The following HOPX variants were observed in gnomAD, a reference collection of about 807,000 sequenced individuals.
HOPX encodes the protein homeodomain-only protein.
In HOPX, 5 loss-of-function variants were observed where a neutral mutation model predicts 11.8. That is an observed-to-expected ratio of 0.43 (90% confidence interval 0.22 to 0.89). The LOEUF is 0.89. HOPX is among the 40% of genes least tolerant of loss of function. The pLI is 0.28. For synonymous variants in HOPX, 49 were observed against 49.7 expected (o/e 0.99, Z 0.06); for missense variants, 119 against 120.0 (o/e 0.99, Z 0.04).
intron 2 of HOPX, among the ~76,000 whole-genome samples, chr4:56,657,214 A>G (rs1717808521): frequency 2.0e-5 from 3 of 152,340 alleles, no homozygotes; most frequent in African/African-American, 4.8e-5. Context: ...GCATGAAGGT[A>G]TAGAAAGTTG....
Position 56,675,065 on chromosome 4 carries a change from C to T in HOPX, c.-84+6190G>A, listed in dbSNP as rs1560375653. 2.6e-5 allele frequency among the ~76,000 whole-genome samples: 4 copies of T among 151,570 alleles called. No homozygotes were observed. The South Asian group carries it at 8.3e-4, about 31-fold the overall frequency. The stretch of plus-strand genomic sequence containing the variant: ...GCTTCTATTGCTACCCAAGCATGGC[C>T]AAATAAGAGGCTGAAGCACCTGACC... On this transcript the variant is annotated intron_variant, in intron 1 of 3. Coordinates refer to ENST00000420433, the MANE Select transcript of HOPX (RefSeq NM_032495.6).
chr4:56,670,188 C>G (rs1339811062), intron 1 of HOPX, among the ~76,000 whole-genome samples: 2 of 152,050 alleles, frequency 1.3e-5, no homozygotes, highest in Non-Finnish European at 2.9e-5. Context: ...AACAGAGAAA[C>G]AAAAACGGCT....
chr4:56,648,972 A>G (rs535225822), intron 3 of HOPX, 175 bp from the exon 4 acceptor site: 28 of 518,140 alleles, frequency 5.4e-5, no homozygotes, highest in African/African-American at 4.7e-4. Context: ...ACCTTTGCAC[A>G]TGCTATTTCC....
intron 1 of HOPX, chr4:56,662,776 C>A (rs1019155954): frequency 6.6e-6 from 1 of 152,288 alleles, no homozygotes; most frequent in African/African-American, 2.4e-5. Context: ...TGTGCCTGGC[C>A]CCCAAATATA....
At chr4:56,654,408 C>G (rs1260978108) in intron 3 of HOPX, among the ~76,000 whole-genome samples, 1 of 152,194 alleles carries the variant, frequency 6.6e-6, no homozygotes, top group African/African-American at 2.4e-5. Flanking sequence ...CAATATTTCA[C>G]AGCCTTGTTT....
At chr4:56,676,983 C>T (rs1192710927) in intron 1 of HOPX, among the ~76,000 whole-genome samples, 1 of 151,840 alleles carries the variant, frequency 6.6e-6, no homozygotes, top group Non-Finnish European at 1.5e-5. Flanking sequence ...GCCCCAGCTG[C>T]ACAACTGGGT....
chr4:56,676,072 A>G (rs7441960), intron 1 of HOPX, among the ~76,000 whole-genome samples: 106,630 of 151,372 alleles, frequency 0.7, 38,382 homozygotes, highest in African/African-American at 0.81. Context: ...CAAGGTGGAC[A>G]GATCGTTTGA....
At chr4:56,648,889 T>A in intron 3 of HOPX, 92 bp from the exon 4 acceptor site, 1 of 946,918 alleles carries the variant, frequency 1.1e-6, no homozygotes, top group Non-Finnish European at 1.7e-6. Context: ...GTGGCACAAG[T>A]GGAAAGGAGA....
chr4:56,668,729 T>A (rs13135947), intron 1 of HOPX, among the ~76,000 whole-genome samples: 5,375 of 152,284 alleles, frequency 0.035, 138 homozygotes, highest in Middle Eastern at 0.092. Flanking sequence ...TGTGTATCTG[T>A]AATGGATAAA....
intron 1 of HOPX, among the ~76,000 whole-genome samples, chr4:56,677,790 G>A (rs1719092915): frequency 6.6e-6 from 1 of 151,506 alleles, no homozygotes; most frequent in Non-Finnish European, 1.5e-5. Context: ...GCTTTTGCCT[G>A]GGCCTGACCT....
intron 3 of HOPX, 132 bp downstream of exon 3, chr4:56,655,725 T>A: frequency 1.9e-6 from 2 of 1,073,618 alleles, no homozygotes; most frequent in Non-Finnish European, 2.7e-6. Flanking sequence ...GCCCCTGGGA[T>A]GCGGGCAGAA....
intron 2 of HOPX, chr4:56,656,536 CG>C: frequency 2.1e-6 from 2 of 939,304 alleles, no homozygotes; most frequent in South Asian, 4.8e-5. Flanking sequence ...AGTGGGTTGG[CG>C]CTTTGGGGCC....
intron 2 of HOPX, 77 bp from the exon 3 acceptor site, chr4:56,656,089 C>A (rs145315986): frequency 2.1e-5 from 29 of 1,361,340 alleles, no homozygotes; most frequent in Middle Eastern, 2.6e-4. Flanking sequence ...GCGGTCGCGG[C>A]GCCGCCGGGC....
intron 3 of HOPX, among the ~76,000 whole-genome samples, 175 bp downstream of exon 3, chr4:56,655,682 G>C (rs1578332662): frequency 6.6e-6 from 1 of 152,200 alleles, no homozygotes; most frequent in African/African-American, 2.4e-5. Flanking sequence ...CGGGGAAGCG[G>C]GGAGGCGGCG....
intron 1 of HOPX, 146 bp from the exon 2 acceptor site, chr4:56,658,045 A>G: frequency 1.7e-6 from 1 of 595,896 alleles, no homozygotes; most frequent in Non-Finnish European, 2.8e-6. Flanking sequence ...CTTCGCTTGA[A>G]AGAAAACAAG....
intron 1 of HOPX, among the ~76,000 whole-genome samples, chr4:56,668,436 T>G (rs1718553758): frequency 6.6e-6 from 1 of 152,236 alleles, no homozygotes; most frequent in Non-Finnish European, 1.5e-5. Flanking sequence ...GATTTTGGCC[T>G]TTCATTTCCC....
At chr4:56,658,593 G>A (rs1717924943) in intron 1 of HOPX, among the ~76,000 whole-genome samples, 1 of 152,146 alleles carries the variant, frequency 6.6e-6, no homozygotes, top group South Asian at 2.1e-4. Flanking sequence ...CTGTTACTTC[G>A]TTTCTTCTCT....
At chr4:56,651,515 T>G (rs1243618909) in intron 3 of HOPX, among the ~76,000 whole-genome samples, 1 of 152,192 alleles carries the variant, frequency 6.6e-6, no homozygotes, top group Non-Finnish European at 1.5e-5. Flanking sequence ...GGGAAAGACA[T>G]TCATCCCTTG....
At chr4:56,671,685 A>T (rs1436216183) in intron 1 of HOPX, among the ~76,000 whole-genome samples, 1 of 152,102 alleles carries the variant, frequency 6.6e-6, no homozygotes, top group African/African-American at 2.4e-5. Flanking sequence ...GCTCATTAAC[A>T]TCACGAAATA....
Sources: allele counts gnomAD v4.1 joint callset (sites outside exome capture counted in the v4.1 genomes callset), GRCh38; gene constraint gnomAD v4.1.1; transcripts MANE v1.5; gene names NCBI Gene and HGNC (gene_info 2026-07-23, HGNC 2026-07-21).